Variants in GPC5 observed in about 807,000 individuals in gnomAD.
GPC5 encodes glypican 5.
Under a neutral mutation model 53.9 loss-of-function variants are expected in GPC5, and 47 were observed. The ratio of observed to expected loss-of-function variants is 0.87; its 90% CI spans 0.69 to 1.11. GPC5 has a LOEUF of 1.11. Ranked by LOEUF, GPC5 falls within the 50% of genes most tolerant of loss-of-function variation. GPC5 has a pLI of 0.00. For missense variants in GPC5, 748 were observed against 713.1 expected (o/e 1.05, Z -0.56); for synonymous variants, 286 against 263.3 (o/e 1.09, Z -0.84).
At chr13:92,157,305 G>A (rs537628461) in intron 7 of GPC5, among the ~76,000 whole-genome samples, 6 of 152,268 alleles carry the variant, frequency 3.9e-5, no homozygotes, top group African/African-American at 1.4e-4. Context: ...ACTCTCCACT[G>A]AACCAAAAGA....
At chr13:92,153,938 C>G (rs7989907) in intron 7 of GPC5, among the ~76,000 whole-genome samples, 68,185 of 152,020 alleles carry the variant, frequency 0.45, 15,568 homozygotes, top group South Asian at 0.65. Flanking sequence ...TAGCCCCTTC[C>G]CCAGTATTAC....
Position 92,327,863 on chromosome 13 carries a change from C to A in GPC5, c.1561+182874C>A, listed in dbSNP as rs896316587. Among the ~76,000 whole-genome samples the A allele has an allele frequency of 5.3e-5, 8 of 152,270 alleles. No homozygotes were observed. In the East Asian group the frequency reaches 1.5e-3, roughly 29 times the overall value. ...TCCCAAACACAGCCTTCTCATTCTTCCAGGTCACTAACAGTGCAACTTCTT... is the reference window on the plus strand; with the variant it reads ...TCCCAAACACAGCCTTCTCATTCTTACAGGTCACTAACAGTGCAACTTCTT... On this transcript the variant is annotated intron_variant, in intron 7 of 7. Transcript: ENST00000377067.
intron 7 of GPC5, among the ~76,000 whole-genome samples, chr13:92,761,674 C>T (rs1449886016): frequency 1.3e-5 from 2 of 152,136 alleles, no homozygotes; most frequent in Non-Finnish European, 2.9e-5. Flanking sequence ...CATTCAACCA[C>T]TCTATGTATT....
intron 6 of GPC5, among the ~76,000 whole-genome samples, chr13:91,947,349 G>A (rs1351011789): frequency 1.3e-5 from 2 of 152,026 alleles, no homozygotes; most frequent in African/African-American, 4.8e-5. Flanking sequence ...TCTCCTGCTG[G>A]CTCCTCCTGC....
At chr13:91,427,997 G>GA (rs1879174336) in intron 1 of GPC5, among the ~76,000 whole-genome samples, 1 of 152,140 alleles carries the variant, frequency 6.6e-6, no homozygotes. Flanking sequence ...TAAGTTTCCT[G>GA]AGGCCTTCCC....
At chr13:92,478,148 A>G (rs1879221857) in intron 7 of GPC5, among the ~76,000 whole-genome samples, 1 of 152,146 alleles carries the variant, frequency 6.6e-6, no homozygotes, top group Non-Finnish European at 1.5e-5. Flanking sequence ...TTTGATTTTT[A>G]GCTATAATCT....
intron 7 of GPC5, among the ~76,000 whole-genome samples, chr13:92,480,367 T>C (rs561559632): frequency 1.3e-5 from 2 of 152,254 alleles, no homozygotes; most frequent in East Asian, 3.9e-4. Flanking sequence ...TAAATAATCT[T>C]TATTCTTAGG....
chr13:92,658,939 T>G (rs961134533), intron 7 of GPC5: 1 of 139,554 alleles, frequency 7.2e-6, no homozygotes, highest in African/African-American at 2.6e-5. Flanking sequence ...TTTTTTTTTT[T>G]TTTTTTTGAG....
At chr13:92,348,188 A>G in intron 7 of GPC5, among the ~76,000 whole-genome samples, 1 of 151,192 alleles carries the variant, frequency 6.6e-6, no homozygotes, top group Non-Finnish European at 1.5e-5. Context: ...AACTGAAAGG[A>G]TAAAAAAGCC....
At chr13:91,522,079 T>C (rs1179410092) in intron 2 of GPC5, among the ~76,000 whole-genome samples, 1 of 152,254 alleles carries the variant, frequency 6.6e-6, no homozygotes, top group Non-Finnish European at 1.5e-5. Flanking sequence ...AGTGCCACCA[T>C]CCAGGAACTT....
chr13:92,850,778 T>C (rs993851390), intron 7 of GPC5, among the ~76,000 whole-genome samples: 23 of 152,244 alleles, frequency 1.5e-4, no homozygotes, highest in Admixed American at 1.2e-3. Context: ...ATGTAGGAGA[T>C]ATAATTTTGG....
At chr13:92,125,924 G>T (rs7492094) in intron 6 of GPC5, among the ~76,000 whole-genome samples, 51,318 of 75,718 alleles carry the variant, frequency 0.68, 16,835 homozygotes, top group Non-Finnish European at 0.77. Context: ...TTGTTTTTTG[G>T]TTTTTTTTTT....
intron 2 of GPC5, among the ~76,000 whole-genome samples, chr13:91,502,239 C>G (rs149268070): frequency 0.073 from 11,172 of 152,044 alleles, 491 homozygotes; most frequent in Middle Eastern, 0.13. Context: ...TGCAGAAGCT[C>G]TTTAGTTTAA....
At chr13:91,734,304 G>C (rs143204175) in intron 4 of GPC5, among the ~76,000 whole-genome samples, 3 of 151,220 alleles carry the variant, frequency 2.0e-5, no homozygotes, top group African/African-American at 7.4e-5. Context: ...TCAATTTGGC[G>C]TTCACTCCGT....
intron 7 of GPC5, among the ~76,000 whole-genome samples, chr13:92,272,202 C>G (rs2042844409): frequency 6.6e-6 from 1 of 152,122 alleles, no homozygotes; most frequent in South Asian, 2.1e-4. Flanking sequence ...CTAATATACC[C>G]TTCCCACATT....
rs561746746 is a variant in GPC5 at position 92,070,808 on chromosome 13, ATAGT to A, written c.1402-74019_1402-74016del. 4.5e-4 allele frequency among the ~76,000 whole-genome samples: 69 copies of A among 152,242 alleles called. 1 individual carries two copies. Among genetic ancestry groups the A allele is most frequent in the African/African-American group, 1.5e-3 (63 of 41,546 alleles). On this transcript the variant is annotated intron_variant, in intron 6 of 7. Transcript: ENST00000377067. ...ATTCATTGATTTTATCCTTCTATTT[ATAGT>A]TATTTTCTTACTGAGGTGCAATAAC...
At chr13:92,801,742 A>G (rs1235737071) in intron 7 of GPC5, among the ~76,000 whole-genome samples, 1 of 151,720 alleles carries the variant, frequency 6.6e-6, no homozygotes, top group Non-Finnish European at 1.5e-5. Context: ...TTACATTTTT[A>G]AATGTTACTT....
At chr13:91,524,419 G>A (rs1255290037) in intron 2 of GPC5, among the ~76,000 whole-genome samples, 3 of 151,974 alleles carry the variant, frequency 2.0e-5, no homozygotes, top group African/African-American at 7.3e-5. Flanking sequence ...AACTAATGAA[G>A]ATATTTACCT....
chr13:91,755,638 A>C (rs967181654), intron 4 of GPC5, among the ~76,000 whole-genome samples: 1 of 152,132 alleles, frequency 6.6e-6, no homozygotes, highest in Non-Finnish European at 1.5e-5. Flanking sequence ...ATGGGGAAGG[A>C]AAGTATTGTG....
Sources: allele counts gnomAD v4.1 joint callset (sites outside exome capture counted in the v4.1 genomes callset), GRCh38; gene constraint gnomAD v4.1.1; transcripts MANE v1.5; gene names NCBI Gene and HGNC (gene_info 2026-07-23, HGNC 2026-07-21).